Variants in MUSK observed in about 807,000 individuals in gnomAD.
MUSK encodes the protein muscle associated receptor tyrosine kinase, also known as muscle, skeletal receptor tyrosine-protein kinase.
In MUSK, 55 loss-of-function variants were observed where a neutral mutation model predicts 88.7. The ratio of observed to expected loss-of-function variants is 0.62; its 90% CI spans 0.50 to 0.78. The LOEUF (loss-of-function observed/expected upper bound fraction) is 0.78. Ranked by LOEUF, MUSK falls within the 30% of genes least tolerant of loss-of-function variation. The pLI is 0.00. For missense variants in MUSK, 1,015 were observed against 1,074.3 expected (o/e 0.94, Z 0.77); for synonymous variants, 387 against 391.9 (o/e 0.99, Z 0.15).
chr9:110,694,333 C>T (rs1474219382), intron 3 of MUSK, among the ~76,000 whole-genome samples: 4 of 143,328 alleles, frequency 2.8e-5, no homozygotes, highest in African/African-American at 1.0e-4. Context: ...TTGCAGTGGG[C>T]CGAGATCGCG....
In MUSK at chr9:110,732,598, T is replaced by C. The variant is rs145343864; in HGVS notation, c.629-1653T>C. Among the ~76,000 whole-genome samples the C allele has an allele frequency of 3.9e-3, 592 of 152,228 alleles. 6 individuals are homozygous for C. The highest frequency in any genetic ancestry group is 5.7e-3 in the Non-Finnish European group (387 of 68,000). ...TGGGTTTGATTGAATTGCATCTCCATAGTGTTCTTTGAAATGTTCCTCAAC... is the reference window on the plus strand; with the variant it reads ...TGGGTTTGATTGAATTGCATCTCCACAGTGTTCTTTGAAATGTTCCTCAAC... On this transcript the variant is annotated intron_variant, in intron 5 of 14. Transcript: ENST00000374448.
chr9:110,785,567 C>T lies in MUSK; in HGVS notation c.1627C>T (p.Leu543Phe). The T allele has an allele frequency of 1.9e-6, 3 of 1,612,754 alleles. No individual in the cohort carries two copies. The highest frequency in any genetic ancestry group is 2.2e-5 in the East Asian group (1 of 44,842). The change falls in exon 13 of 15, where the codon CTC becomes TTC. Residue 543 changes from leucine to phenylalanine, a missense_variant. By Grantham distance (22) the Leu-to-Phe change is conservative. Transcript: ENST00000374448. Reference sequence around the variant, plus strand: ...AACCCTCACCACACTGCCTTCTGAGCTCTTACTAGATAGACTTCATCCCAA... The same window carrying T: ...AACCCTCACCACACTGCCTTCTGAGTTCTTACTAGATAGACTTCATCCCAA... ...AVTLTTLPSELLLDRLHPNPM... is the reference protein window; with the variant it reads ...AVTLTTLPSEFLLDRLHPNPM...
intron 14 of MUSK, among the ~76,000 whole-genome samples, chr9:110,789,942 G>A (rs1005535994): frequency 6.6e-6 from 1 of 152,178 alleles, no homozygotes; most frequent in Admixed American, 6.5e-5. Context: ...TTAAAGCCAT[G>A]AGGTTGAGTA....
chr9:110,684,197 A>C (rs10817072), intron 2 of MUSK, among the ~76,000 whole-genome samples: 1 of 151,948 alleles, frequency 6.6e-6, no homozygotes, highest in East Asian at 1.9e-4. Context: ...TCTTCTGTAC[A>C]TGGATATCCA....
Position 110,767,850 on chromosome 9 carries a change from C to T in MUSK, c.951C>T (p.Cys317=), listed in dbSNP as rs1311522447. ...CACAGAAAGATAACAAAGGCTACTG[C>T]GCCCAGTACAGAGGGGAGGTGTGTA... The part of the protein sequence containing the change: ...SKPQKDNKGY[C]AQYRGEVCNA... Residue 317 remains cysteine (C), a synonymous_variant, in exon 9 of 15, where the codon TGC becomes TGT. Transcript: ENST00000374448. The T allele has an allele frequency of 6.2e-6, 10 of 1,613,816 alleles. No individual in the cohort carries two copies. The highest frequency in any genetic ancestry group is 2.2e-5 in the South Asian group (2 of 91,078).
intron 2 of MUSK, among the ~76,000 whole-genome samples, chr9:110,683,370 C>T (rs189689218): frequency 1.3e-5 from 2 of 152,032 alleles, no homozygotes; most frequent in African/African-American, 4.8e-5. Context: ...TTTCTTTATC[C>T]ATTCATCTGT....
intron 5 of MUSK, chr9:110,728,802 C>A (rs1564249489): frequency 4.7e-6 from 5 of 1,058,028 alleles, no homozygotes; most frequent in South Asian, 1.9e-5. Context: ...ATAAACAGCT[C>A]TAAGTGCCAT....
Position 110,695,454 on chromosome 9 carries a change from A to T in MUSK, c.410A>T (p.Lys137Ile). Residue 137 changes from lysine to isoleucine, a missense_variant, in exon 4 of 15, where the codon AAA (lysine) becomes ATA (isoleucine). Transcript: ENST00000374448. The stretch of plus-strand genomic sequence containing the variant: ...AATGTGAAAATAATAGAGGGATTAA[A>T]AGCAGTCCTACCATGTACTACAATG... Reference protein sequence around the residue: ...PINVKIIEGLKAVLPCTTMGN... With the variant: ...PINVKIIEGLIAVLPCTTMGN... 6.5e-7 allele frequency: 1 copy of T among 1,548,328 alleles called. No individual in the cohort carries two copies. The highest frequency in any genetic ancestry group is 1.2e-5 in the South Asian group (1 of 83,578).
intron 5 of MUSK, among the ~76,000 whole-genome samples, chr9:110,705,203 G>T (rs1345678992): frequency 6.6e-6 from 1 of 152,010 alleles, no homozygotes; most frequent in Non-Finnish European, 1.5e-5. Flanking sequence ...TGATATTTTT[G>T]CAGTTCTGTT....
At chr9:110,733,952 T>C (rs533774646) in intron 5 of MUSK, among the ~76,000 whole-genome samples, 2 of 152,156 alleles carry the variant, frequency 1.3e-5, no homozygotes, top group South Asian at 2.1e-4. Flanking sequence ...GAGACTTGAA[T>C]GATTCAAGGA....
chr9:110,686,134 T>C (rs2076193343), intron 2 of MUSK, among the ~76,000 whole-genome samples: 1 of 152,116 alleles, frequency 6.6e-6, no homozygotes, highest in Admixed American at 6.6e-5. Flanking sequence ...TAGGGAAGAA[T>C]CTGATTTCTT....
At chr9:110,688,635 G>A (rs1477269264) in intron 3 of MUSK, among the ~76,000 whole-genome samples, 1 of 151,678 alleles carries the variant, frequency 6.6e-6, no homozygotes, top group African/African-American at 2.4e-5. Context: ...ACCCCCGACA[G>A]GCCCCGTGTG....
At chr9:110,678,474 A>C (rs2076058880) in intron 1 of MUSK, among the ~76,000 whole-genome samples, 1 of 148,314 alleles carries the variant, frequency 6.7e-6, no homozygotes. Flanking sequence ...TGGAGACTTA[A>C]TTCTTTCTTA....
At chr9:110,678,308 A>T (rs940246957) in intron 1 of MUSK, among the ~76,000 whole-genome samples, 3 of 151,760 alleles carry the variant, frequency 2.0e-5, no homozygotes, top group African/African-American at 7.3e-5. Flanking sequence ...TTTTGTAGAG[A>T]TGCAGTCTTG....
At chr9:110,697,877 T>G (rs2076454401) in intron 5 of MUSK, among the ~76,000 whole-genome samples, 1 of 151,632 alleles carries the variant, frequency 6.6e-6, no homozygotes, top group South Asian at 2.1e-4. Flanking sequence ...AAAAAGTAGC[T>G]ATTTTCAGAT....
intron 5 of MUSK, among the ~76,000 whole-genome samples, chr9:110,712,660 C>A (rs1454302811): frequency 6.6e-6 from 1 of 152,148 alleles, no homozygotes; most frequent in Non-Finnish European, 1.5e-5. Context: ...ACACTGACTT[C>A]AGGTTTTCTA....
intron 9 of MUSK, among the ~76,000 whole-genome samples, chr9:110,771,786 G>A (rs1196942405): frequency 1.3e-5 from 2 of 152,154 alleles, no homozygotes; most frequent in Non-Finnish European, 2.9e-5. Context: ...AAAAAAGTCA[G>A]ATACCAGCTT....
At chr9:110,701,680 T>TTTTAC (rs755152064) in intron 5 of MUSK, among the ~76,000 whole-genome samples, 594 of 8,950 alleles carry the variant, frequency 0.066, 256 homozygotes, top group Middle Eastern at 0.25. Context: ...ATTTTATTTT[T>TTTTAC]TTTACTTTAC....
At position 110,682,343 on chromosome 9, in the gene MUSK, A is replaced by G. The variant is rs2076144963; in HGVS notation, c.80-331A>G. Among the ~76,000 whole-genome samples the G allele has an allele frequency of 5.3e-5, 8 of 151,502 alleles. No individual in the cohort carries two copies. In the Admixed American group the frequency reaches 5.3e-4, roughly 10 times the overall value. On this transcript the variant is annotated intron_variant, in intron 1 of 14. Transcript: ENST00000374448. ...CTTTATGCTGATGATATTGGGGTGG[A>G]CACAGAAATTTTGTATTCATAATTT...
Sources: gnomAD v4.1 joint callset for allele counts (sites outside exome capture counted in the v4.1 genomes callset) on GRCh38, gnomAD v4.1.1 for gene constraint, MANE v1.5 for transcripts, NCBI Gene and HGNC (gene_info 2026-07-23, HGNC 2026-07-21) for gene names.